Variants in KDM2B observed in about 807,000 individuals in gnomAD.
KDM2B encodes lysine-specific demethylase 2B.
A neutral mutation model predicts 150.0 loss-of-function variants in KDM2B; 26 were observed. The ratio of observed to expected loss-of-function variants is 0.17; its 90% CI spans 0.13 to 0.24. The LOEUF (loss-of-function observed/expected upper bound fraction) is 0.24, where lower values mean the gene tolerates loss of function less well. KDM2B is among the 10% of genes least tolerant of loss of function. The probability of loss-of-function intolerance (pLI) is 1.00; values close to 1 mark genes in which losing one functional copy is unlikely to be tolerated. For missense variants in KDM2B, 1,265 were observed against 1,816.9 expected (o/e 0.70, Z 5.52); for synonymous variants, 734 against 729.5 (o/e 1.01, Z -0.10).
chr12:121,557,591 A>C (rs1386006727), intron 4 of KDM2B, among the ~76,000 whole-genome samples: 1 of 152,166 alleles, frequency 6.6e-6, no homozygotes, highest in Non-Finnish European at 1.5e-5. Flanking sequence ...AGCCACGTGA[A>C]GACGGAGGCA....
intron 8 of KDM2B, among the ~76,000 whole-genome samples, chr12:121,528,575 TAATAAATAAATAAATA>T (rs56986386): frequency 1.2e-4 from 18 of 148,820 alleles, no homozygotes; most frequent in Non-Finnish European, 2.7e-4. Flanking sequence ...AATGAAAAAA[TAATAAATAAATAAATA>T]AATAAATAAA....
chr12:121,548,814 C>T, intron 6 of KDM2B, 63 bp downstream of exon 6: 1 of 1,295,114 alleles, frequency 7.7e-7, no homozygotes, highest in Non-Finnish European at 1.1e-6. Context: ...CTTCCCACCT[C>T]CCCACCTCCC....
chr12:121,411,484 A>G, the KDM2B span, among the ~76,000 whole-genome samples: 1 of 152,172 alleles, frequency 6.6e-6, no homozygotes, highest in African/African-American at 2.4e-5. Flanking sequence ...ACTCATTAAC[A>G]TGGTTTGAAA....
At chr12:121,562,050 T>C (rs1310822689) in intron 4 of KDM2B, among the ~76,000 whole-genome samples, 1 of 150,874 alleles carries the variant, frequency 6.6e-6, no homozygotes, top group African/African-American at 2.4e-5. Context: ...TGCGAGCCTA[T>C]AATCCCAGCT....
intron 12 of KDM2B, among the ~76,000 whole-genome samples, chr12:121,480,116 TCAA>T (rs1270413353): frequency 6.6e-6 from 1 of 151,732 alleles, no homozygotes; most frequent in African/African-American, 2.4e-5. Flanking sequence ...GAAAAAATGA[TCAA>T]CAAGTGCTGA....
At chr12:121,524,746 G>A (rs1555306528) in intron 8 of KDM2B, 2 of 440,826 alleles carry the variant, frequency 4.5e-6, no homozygotes, top group Non-Finnish European at 9.1e-6. Context: ...TGCCTGGGCT[G>A]GGAACGCTGG....
intron 12 of KDM2B, among the ~76,000 whole-genome samples, chr12:121,476,562 G>A (rs151218054): frequency 5.0e-4 from 76 of 152,024 alleles, no homozygotes; most frequent in African/African-American, 1.7e-3. Flanking sequence ...AAGGTAACAC[G>A]GTTAGAAACT....
intron 10 of KDM2B, among the ~76,000 whole-genome samples, chr12:121,510,260 G>A (rs1885466117): frequency 6.6e-6 from 1 of 152,146 alleles, no homozygotes; most frequent in South Asian, 2.1e-4. Flanking sequence ...GGGTTGCCCC[G>A]CCTCTCTGAA....
rs979654494 is a variant in KDM2B, at chr12:121,574,316, T to C, written c.397+231A>G. On this transcript the variant is annotated intron_variant, in intron 4 of 22. Transcript: ENST00000377071. ...ACCCAGGCTGGAGGCAGCGTCCAAA[T>C]GGGCCTCATAAAACTGTGTACCGGC... 23 of 459,238 alleles carry C rather than the reference T, an allele frequency of 5.0e-5. 1 individual carries two copies. The Admixed American group carries it at 8.2e-4, about 16-fold the overall frequency. The allele number at this position is 459,238 out of a possible 1,614,324, so 28.4% of individuals were successfully genotyped here. A position where few individuals can be genotyped will look rare whatever the true frequency, so the allele number is the denominator to read the frequency against.
At chr12:121,445,854 T>C (rs971405226) in intron 13 of KDM2B, among the ~76,000 whole-genome samples, 2 of 152,176 alleles carry the variant, frequency 1.3e-5, no homozygotes, top group Non-Finnish European at 2.9e-5. Flanking sequence ...CCCAGATCCA[T>C]GCGGATGAGA....
chr12:121,499,830 G>A (rs1884346278), intron 11 of KDM2B, among the ~76,000 whole-genome samples: 1 of 151,934 alleles, frequency 6.6e-6, no homozygotes, highest in South Asian at 2.1e-4. Flanking sequence ...CGCGTCTGTG[G>A]TCTTAGCTGC....
At chr12:121,576,105 C>T (rs193023457) in intron 2 of KDM2B, among the ~76,000 whole-genome samples, 1 of 152,250 alleles carries the variant, frequency 6.6e-6, no homozygotes, top group Admixed American at 6.5e-5. Context: ...GCATGCCCCA[C>T]CGGTCCAAAC....
chr12:121,438,971 G>A (rs1350360968), intron 22 of KDM2B, among the ~76,000 whole-genome samples: 1 of 152,154 alleles, frequency 6.6e-6, no homozygotes, highest in African/African-American at 2.4e-5. Flanking sequence ...GCATTGCTCT[G>A]TGTACCTCGC....
intron 12 of KDM2B, among the ~76,000 whole-genome samples, chr12:121,471,147 A>C (rs539178571): frequency 2.0e-5 from 3 of 152,200 alleles, no homozygotes; most frequent in Non-Finnish European, 4.4e-5. Context: ...AGAATTGCCA[A>C]CTTAAAATTT....
rs1276799424 is a variant in KDM2B, at chr12:121,442,635, G to C, written c.2806C>G (p.Arg936Gly). Residue 936 changes from arginine to glycine, a missense_variant, in exon 19 of 23, where the codon CGC becomes GGC. Arg to Gly is a moderately radical substitution (Grantham distance 125, BLOSUM62 -2). Around this residue, in one of 11 missense-constraint regions of KDM2B, gnomAD observed 418 missense variants for 402.4 expected, o/e 1.04. Transcript: ENST00000377071. This position sits in a 1 kb window ranked among gnomAD's most constrained non-coding sequence, Gnocchi z 7.7. ...GPEEKKKVKM[R>G]RKRRLPNKEL... ...TTGTTGGGAAGCCGCCGCTTCCGGC[G>C]CATCTTCACCTTCTTCTTCTCCTCC... is the stretch of plus-strand genomic sequence containing the variant. 3 of 1,603,850 alleles carry C rather than the reference G, an allele frequency of 1.9e-6. No individual in the cohort carries two copies. In the South Asian group the frequency reaches 3.3e-5, roughly 18 times the overall value.
rs1879346782 is a variant in KDM2B, at chr12:121,463,171, C to T, written c.1735-9827G>A. Among the ~76,000 whole-genome samples, 3 of 152,080 alleles carry T rather than the reference C, an allele frequency of 2.0e-5. No individual in the cohort carries two copies. The South Asian group carries it at 6.2e-4, about 32-fold the overall frequency. On this transcript the variant is annotated intron_variant, in intron 12 of 22. Coordinates refer to ENST00000377071, the MANE Select transcript of KDM2B (RefSeq NM_032590.5). ...CTCTACTAAAAATACAAAAATTAGCCAGCCATGGTGGCGCACACCTGTAGT... is the reference window on the plus strand; with the variant it reads ...CTCTACTAAAAATACAAAAATTAGCTAGCCATGGTGGCGCACACCTGTAGT...
At chr12:121,528,741 A>G (rs890468992) in intron 8 of KDM2B, among the ~76,000 whole-genome samples, 33 of 151,694 alleles carry the variant, frequency 2.2e-4, no homozygotes, top group Non-Finnish European at 2.4e-4. Flanking sequence ...AAAAATACAA[A>G]AATTAGCCAG....
chr12:121,521,879 C>T lies in KDM2B; in HGVS notation c.932-779G>A, dbSNP rs1886716185. On this transcript the variant is annotated intron_variant, in intron 8 of 22. Coordinates refer to ENST00000377071, the MANE Select transcript of KDM2B (RefSeq NM_032590.5). The surrounding 1 kb of genome is among the most constrained non-coding windows in gnomAD (Gnocchi z 4.9). ...ATCCCAGCACTTTGGGAGGCTGAGG[C>T]GGGAAGATCGCTTGAGCTCAGCAGT... 6.6e-6 allele frequency among the ~76,000 whole-genome samples: 1 copy of T among 151,652 alleles called. No homozygotes were observed. Among genetic ancestry groups the T allele is most frequent in the South Asian group, 2.1e-4 (1 of 4,780 alleles).
chr12:121,544,721 T>C (rs1209551584), intron 6 of KDM2B, among the ~76,000 whole-genome samples: 1 of 152,142 alleles, frequency 6.6e-6, no homozygotes, highest in Non-Finnish European at 1.5e-5. Context: ...GAGACCGGCC[T>C]GGCCAACATG....
Sources: allele counts gnomAD v4.1 joint callset (sites outside exome capture counted in the v4.1 genomes callset), GRCh38; gene constraint gnomAD v4.1.1; regional missense constraint gnomAD v4.1.1; non-coding constraint Gnocchi (gnomAD v3.1); transcripts MANE v1.5; gene names NCBI Gene and HGNC (gene_info 2026-07-23, HGNC 2026-07-21).